TNXB: variants seen among roughly 807,000 people sequenced by gnomAD.
TNXB encodes tenascin-X.
A neutral mutation model predicts 340.5 loss-of-function variants in TNXB; 183 were observed. The ratio of observed to expected loss-of-function variants is 0.54; its 90% CI spans 0.48 to 0.61. The LOEUF is 0.61. Among genes scored for constraint, TNXB ranks in the 20% least tolerant of loss-of-function variants. The pLI is 0.00. For synonymous variants in TNXB, 2,121 were observed against 2,314.5 expected (o/e 0.92, Z 2.40); for missense variants, 4,613 against 5,446.4 (o/e 0.85, Z 4.82).
chr6:32,079,812 A>C lies in TNXB; in HGVS notation c.4043-447T>G, dbSNP rs1182964220. Among the ~76,000 whole-genome samples the C allele has an allele frequency of 6.6e-6, 1 of 152,212 alleles. No homozygotes were observed. The highest frequency in any genetic ancestry group is 1.9e-4 in the East Asian group (1 of 5,192). On this transcript the variant is annotated intron_variant, in intron 10 of 43. Coordinates refer to ENST00000644971, the MANE Select transcript of TNXB (RefSeq NM_001365276.2). This position sits in a 1 kb window ranked among gnomAD's most constrained non-coding sequence, Gnocchi z 7.1. ...CCTCCCTCCCCTTTAACCCCAAGGA[A>C]TGAATTGCTAAGGCAGGGCTCCAGG... is the stretch of plus-strand genomic sequence containing the variant.
chr6:32,074,545 T>C lies in TNXB; in HGVS notation c.4376-593A>G, dbSNP rs3130286. On this transcript the variant is annotated intron_variant, in intron 11 of 43. Coordinates refer to ENST00000644971, the MANE Select transcript of TNXB (RefSeq NM_001365276.2). This position sits in a 1 kb window ranked among gnomAD's most constrained non-coding sequence, Gnocchi z 5.5. ...GATTTACACCCTCTGTCCAGACCTCTCCTGAACCCCAGACTAGTGTTCGTG... is the reference window on the plus strand; with the variant it reads ...GATTTACACCCTCTGTCCAGACCTCCCCTGAACCCCAGACTAGTGTTCGTG... 0.82 allele frequency among the ~76,000 whole-genome samples: 124,918 copies of C among 152,086 alleles called. 51,599 individuals are homozygous for C. Among genetic ancestry groups the C allele is most frequent in the African/African-American group, 0.89 (36,903 of 41,486 alleles).
intron 22 of TNXB, 79 bp from the exon 23 acceptor site, chr6:32,056,982 C>T: frequency 6.4e-7 from 1 of 1,551,860 alleles, no homozygotes; most frequent in Non-Finnish European, 8.8e-7. Flanking sequence ...TGTCACAAAA[C>T]ACAAAGTGCC....
rs768250141 is a variant in TNXB at position 32,081,233 on chromosome 6, G to A, written c.4042+135C>T. 126 of 796,310 alleles carry A rather than the reference G, an allele frequency of 1.6e-4. No homozygotes were observed. The highest frequency in any genetic ancestry group is 2.3e-4 in the Non-Finnish European group (115 of 506,642). The allele number at this position is 796,310 out of a possible 1,614,324, so 49.3% of individuals were successfully genotyped here. A position where few individuals can be genotyped will look rare whatever the true frequency, so the allele number is the denominator to read the frequency against. On this transcript the variant is annotated intron_variant, in intron 10 of 43. Coordinates refer to ENST00000644971, the MANE Select transcript of TNXB (RefSeq NM_001365276.2). This position sits in a 1 kb window ranked among gnomAD's most constrained non-coding sequence, Gnocchi z 5.1. ...CATGCAGAGGACAGGAGAGCAGTGC[G>A]GGAGGAAGTGGGTGGAGGCTTTGGC...
In TNXB at chr6:32,069,054, C is replaced by T. The variant is rs1778587722; in HGVS notation, c.5670G>A (p.Glu1890=). 1.2e-6 allele frequency: 2 copies of T among 1,612,742 alleles called. No homozygotes were observed. Among genetic ancestry groups the T allele is most frequent in the Non-Finnish European group, 8.5e-7 (1 of 1,179,878 alleles). Residue 1890 remains glutamate (E), a synonymous_variant, in exon 16 of 44, where the codon GAG becomes GAA. Coordinates refer to ENST00000644971, the MANE Select transcript of TNXB (RefSeq NM_001365276.2). The surrounding 1 kb of genome is among the most constrained non-coding windows in gnomAD (Gnocchi z 6.2). ...PEPHLGELTV[E]EATSHTLHLS... The stretch of plus-strand genomic sequence containing the variant: ...GATGCAGGGTGTGTGACGTGGCCTC[C>T]TCCACTGTCAACTCCCCGAGGTGGG...
Position 32,052,737 on chromosome 6 carries a change from G to T in TNXB, c.9048C>A (p.Tyr3016Ter), listed in dbSNP as rs559819849. ...CGTGGAGGCCGTACAGGTGCATCTT[G>T]TATTTGCACCCGGGCTCCAGGCCCC... is the stretch of plus-strand genomic sequence containing the variant. ...TVGGLEPGCK[Y>*]KMHLYGLHEG... The change falls in exon 26 of 44, where the codon TAC becomes TAA. Residue 3016 changes from tyrosine to a stop codon, truncating the protein, a stop_gained. Coordinates refer to ENST00000644971, the MANE Select transcript of TNXB (RefSeq NM_001365276.2). LOFTEE classifies it high-confidence loss of function. The surrounding 1 kb of genome is among the most constrained non-coding windows in gnomAD (Gnocchi z 4.7). 6.2e-7 allele frequency: 1 copy of T among 1,613,798 alleles called. No individual in the cohort carries two copies. Among genetic ancestry groups the T allele is most frequent in the Non-Finnish European group, 8.5e-7 (1 of 1,179,882 alleles).
In TNXB at chr6:32,108,224, G is replaced by A. The variant is rs879803923; in HGVS notation, c.-9+957C>T. On this transcript the variant is annotated intron_variant, in intron 1 of 43. Transcript: ENST00000644971. The surrounding 1 kb of genome is among the most constrained non-coding windows in gnomAD (Gnocchi z 4.8). ...CAGGGGCAGGGCAGGCAGCAGCTGTGGTGTTTCCGAGTTGCTTCCCAGTAG... is the reference window on the plus strand; with the variant it reads ...CAGGGGCAGGGCAGGCAGCAGCTGTAGTGTTTCCGAGTTGCTTCCCAGTAG... Among the ~76,000 whole-genome samples, 1 of 152,142 alleles carries A rather than the reference G, an allele frequency of 6.6e-6. No homozygotes were observed. The highest frequency in any genetic ancestry group is 2.4e-5 in the African/African-American group (1 of 41,420).
In TNXB at chr6:32,048,454, C is replaced by G; in HGVS notation, c.9954G>C (p.Ser3318=). 8 of 1,588,588 alleles carry G rather than the reference C, an allele frequency of 5.0e-6. No homozygotes were observed. Among genetic ancestry groups the G allele is most frequent in the Non-Finnish European group, 6.9e-6 (8 of 1,166,144 alleles). ...TGTACTTGCGGGCCGGGTCCAGCCCCGAGACGGCGACCGCTCGGAGGTCTC... is the reference window on the plus strand; with the variant it reads ...TGTACTTGCGGGCCGGGTCCAGCCCGGAGACGGCGACCGCTCGGAGGTCTC... The part of the protein sequence containing the change: ...VSGDLRAVAV[S]GLDPARKYKF... The change falls in exon 29 of 44, where the codon TCG becomes TCC. Residue 3318 remains serine, a synonymous_variant. Transcript: ENST00000644971.
rs1216124530 is a variant in TNXB, at chr6:32,097,852, C to G, written c.347G>C (p.Gly116Ala). 1 of 1,537,026 alleles carries G rather than the reference C, an allele frequency of 6.5e-7. No individual in the cohort carries two copies. Among genetic ancestry groups the G allele is most frequent in the Non-Finnish European group, 8.8e-7 (1 of 1,136,672 alleles). The change falls in exon 2 of 44, where the codon GGG (glycine) becomes GCG (alanine). Residue 116 changes from glycine (G) to alanine (A), a missense_variant. This residue lies in a region of TNXB where 4,327 missense variants were observed against 4,859.4 expected (regional missense o/e 0.89). Coordinates refer to ENST00000644971, the MANE Select transcript of TNXB (RefSeq NM_001365276.2). This position sits in a 1 kb window ranked among gnomAD's most constrained non-coding sequence, Gnocchi z 5.9. Reference sequence around the variant, plus strand: ...TCCCCCAGTGCACTGTTCCTTGAGCCCCTTCACCAACTCCTCCAGGATCTC... The same window carrying G: ...TCCCCCAGTGCACTGTTCCTTGAGCGCCTTCACCAACTCCTCCAGGATCTC... ...RLEILEELVK[G>A]LKEQCTGGCC...
In TNXB at chr6:32,096,256, G is replaced by T; in HGVS notation, c.1597C>A (p.Arg533Ser). The T allele has an allele frequency of 1.3e-6, 2 of 1,565,064 alleles. No individual in the cohort carries two copies. The highest frequency in any genetic ancestry group is 2.3e-5 in the South Asian group (2 of 85,692). ...CCATCCTCGCAAAGGCCGTGCCCAC[G>T]GCAGTCCCCGGGACAGCGACGGCTC... ...CGSRRCPGDC[R>S]GHGLCEDGVC... Residue 533 changes from arginine to serine, a missense_variant, in exon 3 of 44, where the codon CGT (arginine) becomes AGT (serine). Around this residue, in one of 7 missense-constraint regions of TNXB, gnomAD observed 4,327 missense variants for 4,859.4 expected, o/e 0.89. Transcript: ENST00000644971.
chr6:32,056,922 G>C lies in TNXB; in HGVS notation c.7826-19C>G, dbSNP rs371700703. The C allele has an allele frequency of 1.2e-6, 2 of 1,606,342 alleles. No individual in the cohort carries two copies. The highest frequency in any genetic ancestry group is 1.7e-6 in the Non-Finnish European group (2 of 1,174,594). On this transcript the variant is annotated intron_variant, in intron 22 of 43. Transcript: ENST00000644971. ...TCATCCTCTGGAGTTGGACAGACAC[G>C]TGTGGGGACAGTGAGGTCCCTGGCT... is the stretch of plus-strand genomic sequence containing the variant.
Position 32,089,461 on chromosome 6 carries a change from A to G in TNXB, c.2359-82T>C, listed in dbSNP as rs928918228. 2.0e-6 allele frequency: 3 copies of G among 1,499,592 alleles called. No homozygotes were observed. Among genetic ancestry groups the G allele is most frequent in the South Asian group, 2.6e-5 (2 of 78,386 alleles). The allele number at this position is 1,499,592 out of a possible 1,614,324, so 92.9% of individuals were successfully genotyped here. A position where few individuals can be genotyped will look rare whatever the true frequency, so the allele number is the denominator to read the frequency against. ...ATCCCCCTTATCTCTTCTTTCTCCA[A>G]TTCTAAACAGTGTCAGCATGGTACT... On this transcript the variant is annotated intron_variant, in intron 4 of 43. Transcript: ENST00000644971. This position sits in a 1 kb window ranked among gnomAD's most constrained non-coding sequence, Gnocchi z 6.2.
chr6:32,046,393 C>T lies in TNXB; in HGVS notation c.10388G>A (p.Ser3463Asn). ...TACCGTCCAGGACAGGCGCAGAGAG[C>T]TGGAGGTCTCCTCAGCCACGGTCAG... The part of the protein sequence containing the change: ...GELTVAEETS[S>N]SLRLSWTVAQ... The change falls in exon 31 of 44, where the codon AGC (serine) becomes AAC (asparagine). Residue 3463 changes from serine (S) to asparagine (N), a missense_variant. Physicochemically the swap from Ser to Asn is conservative, Grantham distance 46. Around this residue, in one of 7 missense-constraint regions of TNXB, gnomAD observed 4,327 missense variants for 4,859.4 expected, o/e 0.89. Transcript: ENST00000644971. This position sits in a 1 kb window ranked among gnomAD's most constrained non-coding sequence, Gnocchi z 6.9. The T allele has an allele frequency of 1.3e-6, 2 of 1,587,910 alleles. No homozygotes were observed. Among genetic ancestry groups the T allele is most frequent in the Non-Finnish European group, 1.7e-6 (2 of 1,163,012 alleles).
At chr6:32,053,967 G>A (rs936860086) in intron 24 of TNXB, among the ~76,000 whole-genome samples, 4 of 143,400 alleles carry the variant, frequency 2.8e-5, no homozygotes, top group African/African-American at 1.0e-4. Flanking sequence ...CCTCTCTTTT[G>A]AGCACAGCCC....
rs1778969919 is a variant in TNXB at position 32,074,462 on chromosome 6, A to G, written c.4376-510T>C. 1.3e-5 allele frequency among the ~76,000 whole-genome samples: 2 copies of G among 152,180 alleles called. No homozygotes were observed. Among genetic ancestry groups the G allele is most frequent in the South Asian group, 4.1e-4 (2 of 4,832 alleles). ...GCATTTGTTGGGGGAGAAGAGTATCAACCATCACTGACACCCTGGGAGAGC... is the reference window on the plus strand; with the variant it reads ...GCATTTGTTGGGGGAGAAGAGTATCGACCATCACTGACACCCTGGGAGAGC... On this transcript the variant is annotated intron_variant, in intron 11 of 43. Transcript: ENST00000644971. The surrounding 1 kb of genome is among the most constrained non-coding windows in gnomAD (Gnocchi z 5.5).
In TNXB at chr6:32,061,582, C is replaced by T. The variant is rs527290986; in HGVS notation, c.7307G>A (p.Gly2436Asp). The change falls in exon 21 of 44, where the codon GGC becomes GAC. Residue 2436 changes from glycine (G) to aspartate (D), a missense_variant. Gly to Asp is a moderately conservative substitution (Grantham distance 94). Around this residue, in one of 7 missense-constraint regions of TNXB, gnomAD observed 4,327 missense variants for 4,859.4 expected, o/e 0.89. Coordinates refer to ENST00000644971, the MANE Select transcript of TNXB (RefSeq NM_001365276.2). The surrounding 1 kb of genome is among the most constrained non-coding windows in gnomAD (Gnocchi z 4.4). ...SLSLSWTVPQ[G>D]RFDSFTVQYK... Reference sequence around the variant, plus strand: ...CTGCACGGTGAAGGAGTCGAAGCGGCCCTGGGGGACGGTCCAGGAGAGGCT... The same window carrying T: ...CTGCACGGTGAAGGAGTCGAAGCGGTCCTGGGGGACGGTCCAGGAGAGGCT... 101 of 1,613,252 alleles carry T rather than the reference C, an allele frequency of 6.3e-5. 1 individual carries two copies. Among genetic ancestry groups the T allele is most frequent in the South Asian group, 4.6e-4 (42 of 91,064 alleles).
At chr6:32,103,727 CTTTTT>C (rs28986186) in intron 1 of TNXB, among the ~76,000 whole-genome samples, 1 of 123,396 alleles carries the variant, frequency 8.1e-6, no homozygotes. Context: ...TTCACCGCAT[CTTTTT>C]TTTTTTTTTT....
intron 1 of TNXB, among the ~76,000 whole-genome samples, chr6:32,101,055 G>A (rs1780693052): frequency 8.5e-6 from 1 of 117,166 alleles, no homozygotes; most frequent in Non-Finnish European, 1.6e-5. Context: ...TTCAGCCTGA[G>A]AGGAAGAGTG....
At position 32,079,171 on chromosome 6, in the gene TNXB, G is replaced by T; in HGVS notation, c.4237C>A (p.Pro1413Thr). ...TTGCCCCCAACACGCACCGCCCGGG[G>T]CCGCCCATCCCTGTCCTTGTACTGC... ...TVQYKDRDGR[P>T]RAVRVGGKES... The change falls in exon 11 of 44, where the codon CCC becomes ACC. Residue 1413 changes from proline (P) to threonine (T), a missense_variant. Pro to Thr is a conservative substitution (Grantham distance 38, BLOSUM62 -1). Coordinates refer to ENST00000644971, the MANE Select transcript of TNXB (RefSeq NM_001365276.2). This position sits in a 1 kb window ranked among gnomAD's most constrained non-coding sequence, Gnocchi z 7.1. 2 of 1,613,842 alleles carry T rather than the reference G, an allele frequency of 1.2e-6. No homozygotes were observed. Among genetic ancestry groups the T allele is most frequent in the Non-Finnish European group, 1.7e-6 (2 of 1,179,876 alleles).
chr6:32,058,349 G>C lies in TNXB; in HGVS notation c.7534C>G (p.Pro2512Ala), dbSNP rs775958640. The C allele has an allele frequency of 3.1e-6, 5 of 1,611,088 alleles. No individual in the cohort carries two copies. The highest frequency in any genetic ancestry group is 4.2e-6 in the Non-Finnish European group (5 of 1,179,348). Residue 2512 changes from proline (P) to alanine (A), a missense_variant, in exon 22 of 44, where the codon CCA becomes GCA. By Grantham distance (27) the Pro-to-Ala change is conservative. Coordinates refer to ENST00000644971, the MANE Select transcript of TNXB (RefSeq NM_001365276.2). The surrounding 1 kb of genome is among the most constrained non-coding windows in gnomAD (Gnocchi z 5.1). ...GGGGGCCCTGGGGCCTCTGTGCCTG[G>C]TTCTGTAGGGCTGGGGGTCTCGTCC... Reference protein sequence around the residue: ...DVDETPSPTEPGTEAPGPPEE... With the variant: ...DVDETPSPTEAGTEAPGPPEE...
Sources: gnomAD v4.1 joint callset for allele counts (sites outside exome capture counted in the v4.1 genomes callset) on GRCh38, gnomAD v4.1.1 for gene constraint, gnomAD v4.1.1 regional missense constraint, Gnocchi (gnomAD v3.1) non-coding constraint, MANE v1.5 for transcripts, NCBI Gene and HGNC (gene_info 2026-07-23, HGNC 2026-07-21) for gene names.